Variants in ZNF609 observed in about 807,000 individuals in gnomAD.
The protein encoded by ZNF609 is zinc finger protein 609.
Under a neutral mutation model 109.5 loss-of-function variants are expected in ZNF609, and 11 were observed. That is an observed-to-expected ratio of 0.10 (90% CI 0.06 to 0.17). The LOEUF is 0.17. Among genes scored for constraint, ZNF609 ranks in the 10% least tolerant of loss-of-function variants. The pLI is 1.00. For missense variants in ZNF609, 1,559 were observed against 1,772.4 expected (o/e 0.88, Z 2.16); for synonymous variants, 646 against 662.0 (o/e 0.98, Z 0.37).
intron 2 of ZNF609, among the ~76,000 whole-genome samples, chr15:64,604,211 G>GT (rs1895557765): frequency 6.6e-6 from 1 of 152,132 alleles, no homozygotes; most frequent in African/African-American, 2.4e-5. Flanking sequence ...TTACACCATA[G>GT]TAAGTATTTA....
chr15:64,668,703 C>G (rs1896684680), intron 3 of ZNF609, among the ~76,000 whole-genome samples: 1 of 152,042 alleles, frequency 6.6e-6, no homozygotes, highest in Admixed American at 6.6e-5. Context: ...CCTGTAATCC[C>G]AGCACTTTGG....
intron 2 of ZNF609, among the ~76,000 whole-genome samples, chr15:64,566,598 A>C (rs918575038): frequency 5.9e-5 from 9 of 152,222 alleles, no homozygotes; most frequent in African/African-American, 2.2e-4. Context: ...GCTAAACACT[A>C]GTTAGGATTC....
chr15:64,653,813 A>T (rs1312594506), intron 3 of ZNF609, among the ~76,000 whole-genome samples: 3 of 152,110 alleles, frequency 2.0e-5, no homozygotes, highest in Non-Finnish European at 4.4e-5. Flanking sequence ...CTGTTATTTT[A>T]ATTTCTTAGT....
At chr15:64,667,023 G>A (rs891385280) in intron 3 of ZNF609, among the ~76,000 whole-genome samples, 3 of 152,090 alleles carry the variant, frequency 2.0e-5, no homozygotes, top group South Asian at 4.1e-4. Context: ...CCAGCTACTC[G>A]GGGGGCTGAG....
chr15:64,595,315 C>G (rs1044281630), intron 2 of ZNF609, among the ~76,000 whole-genome samples: 1 of 148,180 alleles, frequency 6.7e-6, no homozygotes. Context: ...AAGCTGAGAT[C>G]ATGCCACTGC....
intron 1 of ZNF609, among the ~76,000 whole-genome samples, chr15:64,462,002 ACTG>A (rs951937211): frequency 1.3e-5 from 2 of 152,124 alleles, no homozygotes; most frequent in African/African-American, 4.8e-5. Context: ...AGGGCTGAGA[ACTG>A]CTGCAGCAGA....
chr15:64,593,450 A>G, intron 2 of ZNF609: 1 of 649,358 alleles, frequency 1.5e-6, no homozygotes, highest in Non-Finnish European at 2.7e-6. Flanking sequence ...AAAAATGTTC[A>G]CGATGCAGTG....
intron 2 of ZNF609, among the ~76,000 whole-genome samples, chr15:64,600,463 A>G (rs1048860612): frequency 4.8e-5 from 7 of 145,616 alleles, no homozygotes; most frequent in Admixed American, 6.8e-5. Context: ...AAAAAAAAAA[A>G]AAAGAAAAAA....
rs1896559004 is a variant in ZNF609, at chr15:64,660,494, C to T, written c.974-9852C>T. Among the ~76,000 whole-genome samples the T allele has an allele frequency of 2.0e-5, 3 of 152,182 alleles. No individual in the cohort carries two copies. In the South Asian group the frequency reaches 6.2e-4, roughly 31 times the overall value. ...CTATTTGTTTACATATTGTCTGGGG[C>T]TCTTTTTCTACTATAAGAGTTGAGA... On this transcript the variant is annotated intron_variant, in intron 3 of 9. Coordinates refer to ENST00000326648, the MANE Select transcript of ZNF609 (RefSeq NM_015042.2).
At chr15:64,673,857 C>G in intron 4 of ZNF609, 59 bp from the exon 5 acceptor site, 1 of 1,538,476 alleles carries the variant, frequency 6.5e-7, no homozygotes. Context: ...TACAGCTAAA[C>G]TGCTTTGAAG....
intron 3 of ZNF609, among the ~76,000 whole-genome samples, chr15:64,636,819 A>G (rs1262939082): frequency 6.6e-6 from 1 of 152,230 alleles, no homozygotes; most frequent in Non-Finnish European, 1.5e-5. Context: ...TGATCCTGGC[A>G]TAGCCTAATC....
chr15:64,539,785 G>A (rs199740598), intron 2 of ZNF609, among the ~76,000 whole-genome samples: 5 of 152,094 alleles, frequency 3.3e-5, no homozygotes, highest in Middle Eastern at 3.4e-3. Context: ...GAGCCACTAC[G>A]CCCAGCCTAC....
At chr15:64,625,934 T>TAG (rs1345949122) in intron 3 of ZNF609, among the ~76,000 whole-genome samples, 160 of 71,026 alleles carry the variant, frequency 2.3e-3, no homozygotes, top group African/African-American at 7.6e-3. Flanking sequence ...TATATATATA[T>TAG]ATAGAGAGAG....
intron 2 of ZNF609, among the ~76,000 whole-genome samples, chr15:64,610,221 C>G (rs1456246895): frequency 2.0e-5 from 3 of 151,988 alleles, no homozygotes. Context: ...AAACAGAAAA[C>G]CAAATACCAC....
intron 1 of ZNF609, among the ~76,000 whole-genome samples, chr15:64,498,185 G>A (rs1305477332): frequency 6.6e-6 from 1 of 152,024 alleles, no homozygotes; most frequent in Non-Finnish European, 1.5e-5. Flanking sequence ...GAGTAGCTGG[G>A]ATTACAGGTG....
At chr15:64,642,058 G>A (rs1363367015) in intron 3 of ZNF609, among the ~76,000 whole-genome samples, 1 of 152,194 alleles carries the variant, frequency 6.6e-6, no homozygotes, top group Non-Finnish European at 1.5e-5. Flanking sequence ...CTGTTAATCT[G>A]ATTGGAGGTT....
intron 2 of ZNF609, among the ~76,000 whole-genome samples, chr15:64,521,062 A>G (rs1242436140): frequency 1.3e-5 from 2 of 152,254 alleles, no homozygotes; most frequent in East Asian, 1.9e-4. Context: ...AAGTCCTTCC[A>G]TATTAGATAA....
chr15:64,611,789 A>T (rs1300155270), intron 2 of ZNF609, among the ~76,000 whole-genome samples: 3 of 150,588 alleles, frequency 2.0e-5, no homozygotes, highest in Non-Finnish European at 2.9e-5. Flanking sequence ...GCTGGAGTGC[A>T]GTGGCGCAAT....
intron 2 of ZNF609, among the ~76,000 whole-genome samples, chr15:64,619,000 A>G (rs957007862): frequency 4.6e-5 from 7 of 152,028 alleles, no homozygotes; most frequent in African/African-American, 1.7e-4. Flanking sequence ...CTAGCCAGGG[A>G]CCATGCCCTC....
Sources: gnomAD v4.1 joint callset for allele counts (sites outside exome capture counted in the v4.1 genomes callset) on GRCh38, gnomAD v4.1.1 for gene constraint, MANE v1.5 for transcripts, NCBI Gene and HGNC (gene_info 2026-07-23, HGNC 2026-07-21) for gene names.